N4BP2: variants seen among roughly 807,000 people sequenced by gnomAD.
N4BP2 encodes NEDD4 binding protein 2.
In N4BP2, 91 loss-of-function variants were observed where a neutral mutation model predicts 152.8. That is an observed-to-expected ratio of 0.60 (90% confidence interval 0.50 to 0.71). N4BP2 has a LOEUF of 0.71. Ranked by LOEUF, N4BP2 falls within the 30% of genes least tolerant of loss-of-function variation. The probability of loss-of-function intolerance (pLI) is 0.00; values close to 1 mark genes in which losing one functional copy is unlikely to be tolerated. For synonymous variants in N4BP2, 646 were observed against 705.3 expected, an observed-to-expected ratio of 0.92 and a Z score of 1.33; for missense variants, 1,923 against 2,059.1, an observed-to-expected ratio of 0.93 and a Z score of 1.28.
chr4:40,135,586 A>G (rs1719311426), intron 13 of N4BP2, among the ~76,000 whole-genome samples: 1 of 152,062 alleles, frequency 6.6e-6, no homozygotes, highest in Non-Finnish European at 1.5e-5. Context: ...TTTCTTTCAC[A>G]GAGTTTGCTC....
rs112411055 is a variant in N4BP2 at position 40,089,308 on chromosome 4, A to G, written c.-114-7919A>G. Reference sequence around the variant, plus strand: ...AGGTTGTTAATAGATTTTAGATATTAGTCCTTATCCTGAATGTGGTATGTA... The same window carrying G: ...AGGTTGTTAATAGATTTTAGATATTGGTCCTTATCCTGAATGTGGTATGTA... On this transcript the variant is annotated intron_variant, in intron 2 of 17. Transcript: ENST00000261435. 5.9e-3 allele frequency among the ~76,000 whole-genome samples: 900 copies of G among 152,166 alleles called. 9 individuals are homozygous for G. The highest frequency in any genetic ancestry group is 0.021 in the African/African-American group (857 of 41,512).
In N4BP2 at chr4:40,120,375, T is replaced by G. The variant is rs186139158; in HGVS notation, c.2264T>G (p.Ile755Arg). The G allele has an allele frequency of 1.1e-5, 18 of 1,613,374 alleles. No individual in the cohort carries two copies. The highest frequency in any genetic ancestry group is 1.4e-5 in the Non-Finnish European group (17 of 1,179,862). Residue 755 changes from isoleucine to arginine, a missense_variant, in exon 9 of 18, where the codon ATA (isoleucine) becomes AGA (arginine). Ile to Arg is a moderately conservative substitution (Grantham distance 97). Coordinates refer to ENST00000261435, the MANE Select transcript of N4BP2 (RefSeq NM_018177.6). ...AATGAAAAATCCTCACCTGGTGAAATAGTGGAAGAAAGAGCAACAGTAACG... is the reference window on the plus strand; with the variant it reads ...AATGAAAAATCCTCACCTGGTGAAAGAGTGGAAGAAAGAGCAACAGTAACG... ...LQNEKSSPGE[I>R]VEERATVTKK...
intron 5 of N4BP2, among the ~76,000 whole-genome samples, chr4:40,108,434 T>A (rs1716534948): frequency 6.6e-6 from 1 of 150,876 alleles, no homozygotes; most frequent in South Asian, 2.1e-4. Flanking sequence ...TGCCTCAGCC[T>A]CCCCCTGAGT....
intron 1 of N4BP2, among the ~76,000 whole-genome samples, chr4:40,069,069 G>A (rs1056709180): frequency 2.0e-5 from 3 of 150,576 alleles, no homozygotes; most frequent in African/African-American, 4.9e-5. Flanking sequence ...GCAGTGAGCC[G>A]GGATCGCGCC....
intron 13 of N4BP2, among the ~76,000 whole-genome samples, chr4:40,132,882 T>C (rs1303282063): frequency 6.6e-6 from 1 of 152,000 alleles, no homozygotes; most frequent in East Asian, 1.9e-4. Context: ...TACTAATTCA[T>C]TGGTATTTTT....
At chr4:40,125,641 G>A (rs892537205) in intron 11 of N4BP2, among the ~76,000 whole-genome samples, 2 of 152,010 alleles carry the variant, frequency 1.3e-5, no homozygotes, top group South Asian at 4.1e-4. Context: ...ATCCCAGCAC[G>A]TTGGGAGGCC....
At chr4:40,122,529 G>A (rs1301672321) in intron 9 of N4BP2, among the ~76,000 whole-genome samples, 1 of 152,090 alleles carries the variant, frequency 6.6e-6, no homozygotes. Flanking sequence ...ATGTGCCACC[G>A]TACCTGGCTA....
chr4:40,160,355 C>T (rs1255921388), downstream of N4BP2, among the ~76,000 whole-genome samples: 2 of 152,102 alleles, frequency 1.3e-5, no homozygotes, highest in African/African-American at 2.4e-5. Flanking sequence ...GTGTGAATGC[C>T]GTATGCGTTT....
intron 16 of N4BP2, among the ~76,000 whole-genome samples, chr4:40,148,206 CG>C (rs1049364594): frequency 4.3e-4 from 66 of 152,312 alleles, no homozygotes; most frequent in African/African-American, 1.4e-3. Flanking sequence ...CCCGGCACCT[CG>C]GGAGGCCGAG....
intron 7 of N4BP2, among the ~76,000 whole-genome samples, chr4:40,115,562 A>G (rs1717265591): frequency 6.6e-6 from 1 of 152,046 alleles, no homozygotes; most frequent in Admixed American, 6.6e-5. Flanking sequence ...ATAATACTTT[A>G]TTTTTGTCTT....
the N4BP2 span, among the ~76,000 whole-genome samples, chr4:40,177,662 A>AGAAGCACAG: frequency 6.6e-6 from 1 of 152,098 alleles, no homozygotes; most frequent in Non-Finnish European, 1.5e-5. Context: ...CTTCTACCTC[A>AGAAGCACAG]ACTAGAGCAC....
At chr4:40,065,940 T>C (rs1734003465) in intron 1 of N4BP2, among the ~76,000 whole-genome samples, 1 of 151,858 alleles carries the variant, frequency 6.6e-6, no homozygotes, top group African/African-American at 2.4e-5. Context: ...AAAGCATTTT[T>C]TTTTTTCTTG....
intron 14 of N4BP2, among the ~76,000 whole-genome samples, chr4:40,141,342 C>T (rs1279266263): frequency 1.2e-4 from 18 of 151,568 alleles, no homozygotes; most frequent in African/African-American, 4.1e-4. Context: ...GGGCGGCTTC[C>T]GGGCGGAGGG....
rs1578927896 is a variant in N4BP2 at position 40,061,908 on chromosome 4, G to A, written c.-212+4878G>A. Among the ~76,000 whole-genome samples, 4 of 152,026 alleles carry A rather than the reference G, an allele frequency of 2.6e-5. No individual in the cohort carries two copies. In the South Asian group the frequency reaches 6.2e-4, roughly 24 times the overall value. ...TGGAACTCCTGACCTCGGGTGATCT[G>A]CCTGCCTCGGCCTCCCAAAGTGCTG... On this transcript the variant is annotated intron_variant, in intron 1 of 17. Coordinates refer to ENST00000261435, the MANE Select transcript of N4BP2 (RefSeq NM_018177.6).
chr4:40,107,815 A>G (rs1716468524), intron 5 of N4BP2, among the ~76,000 whole-genome samples: 1 of 152,190 alleles, frequency 6.6e-6, no homozygotes, highest in Non-Finnish European at 1.5e-5. Flanking sequence ...GGTACTTAGA[A>G]TATTGTGTGG....
the N4BP2 span, among the ~76,000 whole-genome samples, chr4:40,170,607 C>G: frequency 6.6e-6 from 1 of 152,076 alleles, no homozygotes; most frequent in East Asian, 1.9e-4. Flanking sequence ...CCACTGAACT[C>G]CATCCTGGGT....
intron 1 of N4BP2, among the ~76,000 whole-genome samples, chr4:40,058,286 T>G (rs768564395): frequency 5.3e-5 from 8 of 152,204 alleles, no homozygotes; most frequent in Non-Finnish European, 1.0e-4. Context: ...CTTTAGGAAA[T>G]GTAAACATCG....
At chr4:40,072,643 C>T (rs535627928) in intron 1 of N4BP2, among the ~76,000 whole-genome samples, 1 of 151,920 alleles carries the variant, frequency 6.6e-6, no homozygotes, top group Non-Finnish European at 1.5e-5. Flanking sequence ...CCCTGTACCC[C>T]CCCAGGCCTC....
rs763050336 is a variant in N4BP2, at chr4:40,120,950, G to C, written c.2839G>C (p.Gly947Arg). The C allele has an allele frequency of 6.2e-7, 1 of 1,614,160 alleles. No homozygotes were observed. The highest frequency in any genetic ancestry group is 8.5e-7 in the Non-Finnish European group (1 of 1,180,012). Residue 947 changes from glycine to arginine, a missense_variant, in exon 9 of 18, where the codon GGA (glycine) becomes CGA (arginine). Coordinates refer to ENST00000261435, the MANE Select transcript of N4BP2 (RefSeq NM_018177.6). Reference sequence around the variant, plus strand: ...AAAGACATTGGGTAGCTCCAATCTAGGAAGTTCTGAAATGCTGCTCAGTGA... The same window carrying C: ...AAAGACATTGGGTAGCTCCAATCTACGAAGTTCTGAAATGCTGCTCAGTGA... ...KLKTLGSSNL[G>R]SSEMLLSEMT...
Sources: gnomAD v4.1 joint callset for allele counts (sites outside exome capture counted in the v4.1 genomes callset) on GRCh38, gnomAD v4.1.1 for gene constraint, MANE v1.5 for transcripts, NCBI Gene and HGNC (gene_info 2026-07-23, HGNC 2026-07-21) for gene names.